GNAZ: variants seen among roughly 807,000 people sequenced by gnomAD.
The protein encoded by GNAZ is G protein subunit alpha z.
A neutral mutation model predicts 25.4 loss-of-function variants in GNAZ; 3 were observed. The ratio of observed to expected loss-of-function variants is 0.12; its 90% confidence interval spans 0.05 to 0.30. The LOEUF is 0.30. GNAZ is among the 10% of genes least tolerant of loss of function. The pLI is 1.00. For synonymous variants in GNAZ, 211 were observed against 205.7 expected, an observed-to-expected ratio of 1.03 and a Z score of -0.22; for missense variants, 241 against 501.8, an observed-to-expected ratio of 0.48 and a Z score of 4.97.
At chr22:23,109,385 A>G (rs984106914) in intron 2 of GNAZ, among the ~76,000 whole-genome samples, 9 of 152,176 alleles carry the variant, frequency 5.9e-5, no homozygotes, top group Non-Finnish European at 1.0e-4. Flanking sequence ...TGCCTTGTTA[A>G]GGGATCAGCT....
At chr22:23,080,887 C>G (rs546563568) in intron 1 of GNAZ, among the ~76,000 whole-genome samples, 1 of 152,260 alleles carries the variant, frequency 6.6e-6, no homozygotes, top group Non-Finnish European at 1.5e-5. Flanking sequence ...TCCCTTCTCA[C>G]TGTAAAGCAT....
At chr22:23,101,614 G>A (rs1056559245) in intron 2 of GNAZ, among the ~76,000 whole-genome samples, 2 of 152,212 alleles carry the variant, frequency 1.3e-5, no homozygotes, top group Admixed American at 6.5e-5. Context: ...AAGGCCTGCC[G>A]CCCTTTTCCC....
intron 2 of GNAZ, among the ~76,000 whole-genome samples, chr22:23,110,221 C>A (rs1362295162): frequency 6.6e-6 from 1 of 152,108 alleles, no homozygotes; most frequent in African/African-American, 2.4e-5. Context: ...CCAGGTAACC[C>A]CTCTGAGCAC....
intron 1 of GNAZ, among the ~76,000 whole-genome samples, chr22:23,082,824 C>T (rs993645378): frequency 2.0e-5 from 3 of 152,130 alleles, no homozygotes; most frequent in African/African-American, 7.2e-5. Context: ...GCCTGAGGAC[C>T]AGGAGATGCT....
At position 23,123,639 on chromosome 22, in the gene GNAZ, A is replaced by ACACACACATGCT; in HGVS notation, c.*216_*217insTGCTCACACACA. 4 of 571,822 alleles carry ACACACACATGCT rather than the reference A, an allele frequency of 7.0e-6. 1 individual carries two copies. In the South Asian group the frequency reaches 8.7e-5, roughly 12 times the overall value. The allele number at this position is 571,822 out of a possible 1,614,324, so 35.4% of individuals were successfully genotyped here. A position where few individuals can be genotyped will look rare whatever the true frequency, so the allele number is the denominator to read the frequency against. On this transcript the variant is annotated 3_prime_UTR_variant, in exon 3 of 3. Coordinates refer to ENST00000615612, the MANE Select transcript of GNAZ (RefSeq NM_002073.4). ...TAGGTAGATAGACACACACACATGC[A>ACACACACATGCT]CACACACACATCTGGAGATGGCAAA...
At chr22:23,078,439 C>T (rs969743146) in intron 1 of GNAZ, among the ~76,000 whole-genome samples, 1 of 152,200 alleles carries the variant, frequency 6.6e-6, no homozygotes, top group East Asian at 1.9e-4. Context: ...CTTGTCCCCC[C>T]AACACTGCCC....
chr22:23,091,963 G>A (rs888872093), intron 1 of GNAZ, among the ~76,000 whole-genome samples: 16 of 151,906 alleles, frequency 1.1e-4, no homozygotes. Flanking sequence ...CCCACACACC[G>A]CAGGGCCTTA....
intron 2 of GNAZ, among the ~76,000 whole-genome samples, chr22:23,121,678 A>G (rs2070028122): frequency 6.7e-6 from 1 of 150,006 alleles, no homozygotes; most frequent in Non-Finnish European, 1.5e-5. Context: ...TACCACTTGC[A>G]TTACCACGGT....
intron 1 of GNAZ, among the ~76,000 whole-genome samples, chr22:23,081,276 A>C (rs964750737): frequency 6.6e-6 from 1 of 152,190 alleles, no homozygotes; most frequent in South Asian, 2.1e-4. Flanking sequence ...GCTGTGGTTT[A>C]AGCAAGAAGT....
At chr22:23,078,204 C>T (rs192443339) in intron 1 of GNAZ, among the ~76,000 whole-genome samples, 1 of 152,248 alleles carries the variant, frequency 6.6e-6, no homozygotes, top group African/African-American at 2.4e-5. Flanking sequence ...ACATATTTCT[C>T]GATGAAATGC....
In GNAZ at chr22:23,123,780, C is replaced by A; in HGVS notation, c.*349C>A. 1 of 297,612 alleles carries A rather than the reference C, an allele frequency of 3.4e-6. No individual in the cohort carries two copies. The allele number at this position is 297,612 out of a possible 1,614,324, so 18.4% of individuals were successfully genotyped here. Reference sequence around the variant, plus strand: ...AGTTGGCCCCACTCCACTTGGGGGTCTGCATTGGATTGTTAGGGATAGGCA... The same window carrying A: ...AGTTGGCCCCACTCCACTTGGGGGTATGCATTGGATTGTTAGGGATAGGCA... On this transcript the variant is annotated 3_prime_UTR_variant, in exon 3 of 3. Coordinates refer to ENST00000615612, the MANE Select transcript of GNAZ (RefSeq NM_002073.4).
intron 2 of GNAZ, among the ~76,000 whole-genome samples, chr22:23,097,574 G>A (rs1307133460): frequency 6.6e-6 from 1 of 152,248 alleles, no homozygotes; most frequent in Non-Finnish European, 1.5e-5. Flanking sequence ...AATGACGGAC[G>A]GGCAGGCAGG....
chr22:23,119,827 A>T (rs528355726), intron 2 of GNAZ, among the ~76,000 whole-genome samples: 1 of 152,228 alleles, frequency 6.6e-6, no homozygotes, highest in East Asian at 1.9e-4. Context: ...CCAAGAAACA[A>T]GACCAGGAAA....
rs1601843669 is a variant in GNAZ, at chr22:23,123,731, C to T, written c.*300C>T. ...GTCACAAGGTCACTACAAGCCCAAC[C>T]TGCCCCTTCACTTTGCCTTCCTGAG... On this transcript the variant is annotated 3_prime_UTR_variant, in exon 3 of 3. Coordinates refer to ENST00000615612, the MANE Select transcript of GNAZ (RefSeq NM_002073.4). 1 of 387,404 alleles carries T rather than the reference C, an allele frequency of 2.6e-6. No homozygotes were observed. The highest frequency in any genetic ancestry group is 4.8e-5 in the East Asian group (1 of 20,848). The allele number at this position is 387,404 out of a possible 1,614,324, so 24.0% of individuals were successfully genotyped here. A position where few individuals can be genotyped will look rare whatever the true frequency, so the allele number is the denominator to read the frequency against.
chr22:23,098,412 G>A (rs1001608219), intron 2 of GNAZ, among the ~76,000 whole-genome samples: 5 of 152,230 alleles, frequency 3.3e-5, no homozygotes, highest in South Asian at 4.1e-4. Flanking sequence ...GGTGGCCCCT[G>A]TGGGGCCTCA....
At chr22:23,110,621 C>G (rs1011679337) in intron 2 of GNAZ, among the ~76,000 whole-genome samples, 27 of 152,372 alleles carry the variant, frequency 1.8e-4, no homozygotes, top group African/African-American at 6.5e-4. Flanking sequence ...AGGCTGTGTG[C>G]CCCTGTGGGC....
intron 1 of GNAZ, among the ~76,000 whole-genome samples, chr22:23,083,592 G>T (rs915379935): frequency 1.3e-5 from 2 of 152,160 alleles, no homozygotes; most frequent in Non-Finnish European, 2.9e-5. Flanking sequence ...TAGAGCAGGA[G>T]CCCAGACCAA....
intron 2 of GNAZ, among the ~76,000 whole-genome samples, chr22:23,115,706 G>T (rs990441876): frequency 6.6e-6 from 1 of 152,188 alleles, no homozygotes; most frequent in Non-Finnish European, 1.5e-5. Context: ...CAAATGGAGG[G>T]GCCCCACCTG....
At position 23,096,027 on chromosome 22, in the gene GNAZ, C is replaced by T. The variant is rs1400331956; in HGVS notation, c.332C>T (p.Thr111Met). ...GACGCTGTGCAGCTCTTTGCGCTGA[C>T]GGGCCCCGCTGAGAGCAAGGGCGAG... is the stretch of plus-strand genomic sequence containing the variant. Reference protein sequence around the residue: ...AYDAVQLFALTGPAESKGEIT... With the variant: ...AYDAVQLFALMGPAESKGEIT... Residue 111 changes from threonine (T) to methionine (M), a missense_variant, in exon 2 of 3, where the codon ACG (threonine) becomes ATG (methionine). Physicochemically the swap from Thr to Met is moderately conservative, Grantham distance 81 (BLOSUM62 -1). Transcript: ENST00000615612. The T allele has an allele frequency of 1.2e-6, 2 of 1,607,026 alleles. No homozygotes were observed. The highest frequency in any genetic ancestry group is 1.7e-5 in the Admixed American group (1 of 60,014).
Sources: gnomAD v4.1 joint callset for allele counts (sites outside exome capture counted in the v4.1 genomes callset) on GRCh38, gnomAD v4.1.1 for gene constraint, MANE v1.5 for transcripts, NCBI Gene and HGNC (gene_info 2026-07-23, HGNC 2026-07-21) for gene names.